The following RORA variants were observed in gnomAD, a reference collection of about 807,000 sequenced individuals.
The protein encoded by RORA is nuclear receptor ROR-alpha.
In RORA, 7 loss-of-function variants were observed where a neutral mutation model predicts 69.5. The ratio of observed to expected loss-of-function variants is 0.10; its 90% CI spans 0.06 to 0.19. RORA has a LOEUF of 0.19. Among genes scored for constraint, RORA ranks in the 10% least tolerant of loss-of-function variants. RORA has a pLI of 1.00. For missense variants in RORA, 457 were observed against 663.0 expected, an observed-to-expected ratio of 0.69 and a Z score of 3.41; for synonymous variants, 261 against 240.8, an observed-to-expected ratio of 1.08 and a Z score of -0.78.
At chr15:60,722,267 T>C (rs1011690998) in intron 1 of RORA, among the ~76,000 whole-genome samples, 1 of 152,224 alleles carries the variant, frequency 6.6e-6, no homozygotes, top group Non-Finnish European at 1.5e-5. Flanking sequence ...ATTCTCTATA[T>C]GTCATTAAAG....
chr15:61,022,015 G>A (rs998936185), intron 1 of RORA, among the ~76,000 whole-genome samples: 7 of 152,328 alleles, frequency 4.6e-5, no homozygotes, highest in African/African-American at 1.7e-4. Flanking sequence ...ACCCAAGGGA[G>A]CCTTGAAAGG....
At chr15:60,560,640 C>T (rs1260388276) in intron 2 of RORA, among the ~76,000 whole-genome samples, 12 of 152,170 alleles carry the variant, frequency 7.9e-5, no homozygotes, top group Admixed American at 5.9e-4. Flanking sequence ...GCCTGGGTCA[C>T]GGCTGCAGTA....
At chr15:60,829,779 C>T (rs1220043064) in intron 1 of RORA, among the ~76,000 whole-genome samples, 1 of 152,182 alleles carries the variant, frequency 6.6e-6, no homozygotes, top group Non-Finnish European at 1.5e-5. Flanking sequence ...CTCTGGCTTC[C>T]GTTCATTGGT....
intron 1 of RORA, among the ~76,000 whole-genome samples, chr15:60,729,261 C>T (rs1363211195): frequency 6.6e-6 from 1 of 152,164 alleles, no homozygotes; most frequent in Non-Finnish European, 1.5e-5. Context: ...CTCATGGATG[C>T]CACTAAAGAG....
intron 1 of RORA, among the ~76,000 whole-genome samples, chr15:60,929,103 C>T (rs1242644069): frequency 6.6e-6 from 1 of 152,114 alleles, no homozygotes; most frequent in Admixed American, 6.5e-5. Flanking sequence ...CCTGCTGGGT[C>T]TACAAGGCCC....
intron 1 of RORA, among the ~76,000 whole-genome samples, chr15:60,697,108 G>A (rs918898403): frequency 1.3e-5 from 2 of 152,316 alleles, no homozygotes; most frequent in African/African-American, 2.4e-5. Flanking sequence ...CGAGGTTTAT[G>A]TTCTGCTCTC....
At chr15:60,933,808 C>A (rs1892440561) in intron 1 of RORA, among the ~76,000 whole-genome samples, 1 of 152,226 alleles carries the variant, frequency 6.6e-6, no homozygotes. Context: ...AGCCCAGACA[C>A]AAGCTTTTCA....
chr15:60,902,374 C>T (rs1308962732), intron 1 of RORA, among the ~76,000 whole-genome samples: 2 of 152,038 alleles, frequency 1.3e-5, no homozygotes, highest in Admixed American at 1.3e-4. Flanking sequence ...CAGCTTCCCA[C>T]TGATTCATCT....
chr15:61,127,536 T>C (rs1322687971), intron 1 of RORA, among the ~76,000 whole-genome samples: 2 of 152,166 alleles, frequency 1.3e-5, no homozygotes, highest in Non-Finnish European at 2.9e-5. Context: ...TCACATCCCC[T>C]CTACCCAAAG....
At chr15:61,157,685 C>T (rs576104012) in intron 1 of RORA, among the ~76,000 whole-genome samples, 36 of 152,284 alleles carry the variant, frequency 2.4e-4, no homozygotes, top group African/African-American at 8.7e-4. Flanking sequence ...TTAAGCAGCT[C>T]TCTCCCATTA....
At chr15:61,181,198 T>C (rs571229089) in intron 1 of RORA, 1 of 150,838 alleles carries the variant, frequency 6.6e-6, no homozygotes, top group African/African-American at 2.4e-5. Flanking sequence ...ACTAAGACAA[T>C]AGTAACATTC....
At chr15:60,708,920 T>C (rs2140805692) in intron 1 of RORA, among the ~76,000 whole-genome samples, 1 of 152,356 alleles carries the variant, frequency 6.6e-6, no homozygotes, top group East Asian at 1.9e-4. Context: ...AGCTTTATTA[T>C]GAACCTCAAA....
chr15:61,152,736 C>G (rs918515500), intron 1 of RORA, among the ~76,000 whole-genome samples: 3 of 152,154 alleles, frequency 2.0e-5, no homozygotes, highest in African/African-American at 7.2e-5. Context: ...CATCCATCCA[C>G]AGACTCAAAG....
At chr15:60,964,155 A>G (rs1893487031) in intron 1 of RORA, among the ~76,000 whole-genome samples, 1 of 152,216 alleles carries the variant, frequency 6.6e-6, no homozygotes, top group Non-Finnish European at 1.5e-5. Flanking sequence ...GTCTGGTTTC[A>G]AGTAGAAGTT....
At chr15:61,194,490 G>A (rs2079829284) in intron 1 of RORA, among the ~76,000 whole-genome samples, 1 of 151,796 alleles carries the variant, frequency 6.6e-6, no homozygotes, top group African/African-American at 2.4e-5. Context: ...TTGAACCCGG[G>A]AGGTCGAGGT....
chr15:60,692,759 G>A (rs543832848), intron 1 of RORA, among the ~76,000 whole-genome samples: 7 of 152,112 alleles, frequency 4.6e-5, no homozygotes, highest in Non-Finnish European at 1.5e-5. Flanking sequence ...GCCAGTAAGG[G>A]CTGGCTGGAA....
intron 1 of RORA, among the ~76,000 whole-genome samples, chr15:60,701,869 ACT>A (rs2070987073): frequency 6.6e-6 from 1 of 151,886 alleles, no homozygotes; most frequent in South Asian, 2.1e-4. Context: ...TCAGTCTTTG[ACT>A]CTTCAAAGGC....
intron 1 of RORA, among the ~76,000 whole-genome samples, chr15:61,187,815 C>A (rs572541576): frequency 5.3e-5 from 8 of 152,238 alleles, no homozygotes; most frequent in African/African-American, 1.4e-4. Flanking sequence ...ACCCTGGGGG[C>A]TCTGAAGAAC....
intron 1 of RORA, among the ~76,000 whole-genome samples, chr15:60,736,186 T>C (rs2071496138): frequency 6.6e-6 from 1 of 152,078 alleles, no homozygotes; most frequent in African/African-American, 2.4e-5. Context: ...AGTCTTCTCC[T>C]TTTTTTCCCC....
Sources: gnomAD v4.1 joint callset for allele counts (sites outside exome capture counted in the v4.1 genomes callset) on GRCh38, gnomAD v4.1.1 for gene constraint, MANE v1.5 for transcripts, NCBI Gene and HGNC (gene_info 2026-07-23, HGNC 2026-07-21) for gene names.